FER: variants seen among roughly 807,000 people sequenced by gnomAD.
The protein encoded by FER is FER tyrosine kinase.
FER carries 63 observed loss-of-function variants against 111.0 expected under a neutral mutation model. The ratio of observed to expected loss-of-function variants is 0.57; its 90% CI spans 0.46 to 0.70. The LOEUF (loss-of-function observed/expected upper bound fraction) is 0.70, where lower values mean the gene tolerates loss of function less well. Among genes scored for constraint, FER ranks in the 30% least tolerant of loss-of-function variants. The probability of loss-of-function intolerance (pLI) is 0.00; values close to 1 mark genes in which losing one functional copy is unlikely to be tolerated. For synonymous variants in FER, 327 were observed against 313.9 expected (o/e 1.04, Z -0.44); for missense variants, 914 against 954.0 (o/e 0.96, Z 0.55).
chr5:109,010,663 G>C (rs1434159201), intron 13 of FER, among the ~76,000 whole-genome samples: 15 of 151,720 alleles, frequency 9.9e-5, no homozygotes, highest in Admixed American at 7.2e-4. Flanking sequence ...TTGATCCCCG[G>C]TCCATGGCAT....
rs1757335535 is a variant in FER at position 109,173,352 on chromosome 5, C to T, written c.2049-7395C>T. On this transcript the variant is annotated intron_variant, in intron 17 of 19. Transcript: ENST00000281092. ...GGAATCACCACAGGCCTCTGTTTCT[C>T]CAGAGAGAGGAATCTTACTCCAATA... 2.6e-5 allele frequency among the ~76,000 whole-genome samples: 4 copies of T among 152,170 alleles called. 1 individual carries two copies. Among genetic ancestry groups the T allele is most frequent in the Admixed American group, 2.6e-4 (4 of 15,276 alleles).
chr5:108,760,838 G>A (rs372864934), intron 1 of FER, among the ~76,000 whole-genome samples: 2 of 152,170 alleles, frequency 1.3e-5, no homozygotes, highest in Non-Finnish European at 2.9e-5. Context: ...GTGTTCACTG[G>A]AGGAGCACTT....
At chr5:108,955,448 G>A (rs1758310320) in intron 12 of FER, among the ~76,000 whole-genome samples, 2 of 151,740 alleles carry the variant, frequency 1.3e-5, no homozygotes, top group South Asian at 4.1e-4. Flanking sequence ...ATAATGAATA[G>A]AAATTAATGA....
chr5:108,996,385 AT>A (rs1368789866), intron 13 of FER, among the ~76,000 whole-genome samples: 2 of 152,044 alleles, frequency 1.3e-5, no homozygotes, highest in African/African-American at 4.8e-5. Context: ...TAGGGTTTTT[AT>A]TGTTTTAGGT....
At chr5:109,128,834 G>A (rs1000669126) in intron 17 of FER, among the ~76,000 whole-genome samples, 21 of 151,908 alleles carry the variant, frequency 1.4e-4, no homozygotes, top group African/African-American at 5.1e-4. Flanking sequence ...TGATTCTAAA[G>A]TGTGTCTGGA....
At chr5:109,187,056 A>G (rs1391723498) in intron 19 of FER, among the ~76,000 whole-genome samples, 5 of 152,064 alleles carry the variant, frequency 3.3e-5, no homozygotes. Flanking sequence ...CTCATATTGA[A>G]TTCACATTTA....
At chr5:109,050,665 T>C (rs182576918) in intron 16 of FER, among the ~76,000 whole-genome samples, 1 of 152,302 alleles carries the variant, frequency 6.6e-6, no homozygotes, top group East Asian at 1.9e-4. Flanking sequence ...AAAAAATATA[T>C]GTATAATGCT....
chr5:109,061,512 A>G (rs1357569140), intron 16 of FER, among the ~76,000 whole-genome samples: 2 of 152,168 alleles, frequency 1.3e-5, no homozygotes, highest in African/African-American at 4.8e-5. Flanking sequence ...AAAGTAGGCT[A>G]ATAGTACTCT....
chr5:109,102,338 A>T (rs1233055725), intron 17 of FER, among the ~76,000 whole-genome samples: 1 of 152,120 alleles, frequency 6.6e-6, no homozygotes, highest in Admixed American at 6.6e-5. Context: ...TCCCAGTTGA[A>T]CATCTTGAAC....
rs577645297 is a variant in FER at position 108,848,883 on chromosome 5, G to GA, written c.481+13082dup. Among the ~76,000 whole-genome samples the GA allele has an allele frequency of 2.1e-3, 319 of 151,994 alleles. 3 individuals carry two copies. The highest frequency in any genetic ancestry group is 7.1e-3 in the African/African-American group (295 of 41,508). On this transcript the variant is annotated intron_variant, in intron 5 of 19. Coordinates refer to ENST00000281092, the MANE Select transcript of FER (RefSeq NM_005246.4). Reference sequence around the variant, plus strand: ...TGCAAGTAATGAATTATGTATGTCCGAAAAAATATTTATTTCACTTTCATT... The same window carrying GA: ...TGCAAGTAATGAATTATGTATGTCCGAAAAAAATATTTATTTCACTTTCATT...
intron 16 of FER, among the ~76,000 whole-genome samples, chr5:109,057,687 A>C (rs923307946): frequency 1.3e-5 from 2 of 152,162 alleles, no homozygotes; most frequent in African/African-American, 4.8e-5. Flanking sequence ...TGAAGATATA[A>C]AGAACCTGCA....
chr5:109,173,451 C>A (rs951053322), intron 17 of FER, among the ~76,000 whole-genome samples: 3 of 152,164 alleles, frequency 2.0e-5, no homozygotes, highest in African/African-American at 7.2e-5. Context: ...ACGAAATAAC[C>A]CGATAGAGAA....
intron 13 of FER, among the ~76,000 whole-genome samples, chr5:109,025,088 G>C (rs990285456): frequency 1.3e-5 from 2 of 152,100 alleles, no homozygotes; most frequent in African/African-American, 4.8e-5. Context: ...GCTTAGGATT[G>C]ACTTGGCGAT....
At chr5:109,182,008 A>G (rs1758341987) in intron 18 of FER, among the ~76,000 whole-genome samples, 1 of 152,174 alleles carries the variant, frequency 6.6e-6, no homozygotes, top group Admixed American at 6.5e-5. Flanking sequence ...ACGGTATGCG[A>G]TATCTTGTGT....
intron 5 of FER, among the ~76,000 whole-genome samples, chr5:108,860,763 A>C (rs992322685): frequency 5.3e-5 from 8 of 152,236 alleles, no homozygotes; most frequent in Non-Finnish European, 1.0e-4. Flanking sequence ...CTATAAAGAC[A>C]TATAATTACT....
intron 17 of FER, among the ~76,000 whole-genome samples, chr5:109,119,252 T>C (rs944723140): frequency 2.0e-5 from 3 of 152,308 alleles, no homozygotes; most frequent in Admixed American, 2.0e-4. Flanking sequence ...ATTTCTGCCT[T>C]CATTTTGTTA....
intron 11 of FER, among the ~76,000 whole-genome samples, chr5:108,951,223 C>T (rs1326319451): frequency 6.6e-6 from 1 of 151,988 alleles, no homozygotes; most frequent in Non-Finnish European, 1.5e-5. Context: ...GAGATGACGC[C>T]ATTGGACTCC....
At chr5:109,047,559 G>C (rs914308642) in intron 16 of FER, among the ~76,000 whole-genome samples, 1 of 152,042 alleles carries the variant, frequency 6.6e-6, no homozygotes. Context: ...CATTTTCCAA[G>C]TACATCTCCA....
chr5:108,956,934 A>G (rs930221793), intron 12 of FER, among the ~76,000 whole-genome samples: 2 of 151,656 alleles, frequency 1.3e-5, no homozygotes, highest in South Asian at 2.1e-4. Flanking sequence ...GAAGGAGTTT[A>G]TATTATACGA....
Sources: allele counts gnomAD v4.1 joint callset (sites outside exome capture counted in the v4.1 genomes callset), GRCh38; gene constraint gnomAD v4.1.1; transcripts MANE v1.5; gene names NCBI Gene and HGNC (gene_info 2026-07-23, HGNC 2026-07-21).